Variants in SNX1 observed in about 807,000 individuals in gnomAD.
SNX1 encodes the protein sorting nexin-1.
SNX1 carries 36 observed loss-of-function variants against 71.8 expected under a neutral mutation model. That is an observed-to-expected ratio of 0.50 (90% confidence interval 0.38 to 0.66). The LOEUF (loss-of-function observed/expected upper bound fraction) is 0.66. SNX1 is among the 30% of genes least tolerant of loss of function. The probability of loss-of-function intolerance (pLI) is 0.00; values close to 1 mark genes in which losing one functional copy is unlikely to be tolerated. For synonymous variants in SNX1, 254 were observed against 240.7 expected, an observed-to-expected ratio of 1.06 and a Z score of -0.51; for missense variants, 612 against 646.7, an observed-to-expected ratio of 0.95 and a Z score of 0.58.
rs561949337 is a variant in SNX1 at position 64,118,388 on chromosome 15, C to T, written c.399+144C>T. The T allele has an allele frequency of 1.4e-4, 126 of 906,140 alleles. No homozygotes were observed. In the South Asian group the frequency reaches 2.0e-3, roughly 14 times the overall value. 56.1% of individuals were successfully genotyped at this position (906,140 alleles called of 1,614,324 possible). Reference sequence around the variant, plus strand: ...TTATGGTTAATGGACAGCCAGAATCCAATACAGGAGTCTTTCTTGAGCAGA... The same window carrying T: ...TTATGGTTAATGGACAGCCAGAATCTAATACAGGAGTCTTTCTTGAGCAGA... On this transcript the variant is annotated intron_variant, in intron 3 of 14. Coordinates refer to ENST00000559844, the MANE Select transcript of SNX1 (RefSeq NM_003099.5).
rs144411303 is a variant in SNX1 at position 64,108,752 on chromosome 15, C to G, written c.160-3821C>G. ...CCTGTAATCCCAGCACTTTGGGAGG[C>G]TGAGGTGGACAGATCACCTTAGGTC... On this transcript the variant is annotated intron_variant, in intron 1 of 14. Coordinates refer to ENST00000559844, the MANE Select transcript of SNX1 (RefSeq NM_003099.5). Among the ~76,000 whole-genome samples the G allele has an allele frequency of 4.5e-3, 687 of 152,042 alleles. 5 individuals are homozygous for G. Among genetic ancestry groups the G allele is most frequent in the African/African-American group, 0.015 (639 of 41,484 alleles).
At chr15:64,104,222 G>T (rs939555448) in intron 1 of SNX1, among the ~76,000 whole-genome samples, 9 of 150,924 alleles carry the variant, frequency 6.0e-5, no homozygotes, top group African/African-American at 2.2e-4. Flanking sequence ...CAGAATTATG[G>T]AGGAAAAGCT....
intron 1 of SNX1, among the ~76,000 whole-genome samples, chr15:64,110,383 T>C (rs980927075): frequency 2.6e-5 from 4 of 152,068 alleles, no homozygotes; most frequent in African/African-American, 9.7e-5. Context: ...CATAAGTCTG[T>C]TTTAATCACA....
intron 1 of SNX1, among the ~76,000 whole-genome samples, chr15:64,103,389 G>C (rs2080984716): frequency 6.6e-6 from 1 of 151,956 alleles, no homozygotes; most frequent in South Asian, 2.1e-4. Context: ...TTTTAATAAT[G>C]TCTTTTTTTA....
chr15:64,120,601 C>T lies in SNX1; in HGVS notation c.466+1747C>T, dbSNP rs551693056. ...CCAAGGCAGGAGGATCACTTGAACCCAGGAGTTCAGGACCAGCCTGCCCAA... is the reference window on the plus strand; with the variant it reads ...CCAAGGCAGGAGGATCACTTGAACCTAGGAGTTCAGGACCAGCCTGCCCAA... On this transcript the variant is annotated intron_variant, in intron 4 of 14. Transcript: ENST00000559844. Among the ~76,000 whole-genome samples the T allele has an allele frequency of 6.3e-4, 96 of 152,088 alleles. 1 individual carries two copies. The highest frequency in any genetic ancestry group is 1.9e-4 in the Non-Finnish European group (13 of 68,022).
At chr15:64,116,870 G>C (rs539115138) in intron 2 of SNX1, among the ~76,000 whole-genome samples, 1 of 152,322 alleles carries the variant, frequency 6.6e-6, no homozygotes, top group South Asian at 2.1e-4. Flanking sequence ...GAGGGAATGA[G>C]TCGTTCTGTT....
rs895153347 is a variant in SNX1 at position 64,136,948 on chromosome 15, G to A, written c.1518+16G>A. 2.5e-6 allele frequency: 4 copies of A among 1,609,812 alleles called. No homozygotes were observed. Among genetic ancestry groups the A allele is most frequent in the African/African-American group, 2.7e-5 (2 of 74,830 alleles). ...ACAGCAGCAGGTATGTAAGTTGTGT[G>A]TGACCTTCATCCTCTACTGCCTGCT... On this transcript the variant is annotated intron_variant, in intron 14 of 14. Coordinates refer to ENST00000559844, the MANE Select transcript of SNX1 (RefSeq NM_003099.5).
At position 64,127,231 on chromosome 15, in the gene SNX1, A is replaced by G. The variant is rs753505220; in HGVS notation, c.710A>G (p.Lys237Arg). ...TCTTCTTCTGCAGAATTTCTTGAAA[A>G]ACGGAGGGCCGCTTTAGAAAGGTAA... ...EDSSSAEFLE[K>R]RRAALERYLQ... is the part of the protein sequence containing the mutation. The change falls in exon 7 of 15, where the codon AAA becomes AGA. Residue 237 changes from lysine to arginine, a missense_variant. Physicochemically the swap from Lys to Arg is conservative, Grantham distance 26. Coordinates refer to ENST00000559844, the MANE Select transcript of SNX1 (RefSeq NM_003099.5). 1 of 1,613,804 alleles carries G rather than the reference A, an allele frequency of 6.2e-7. No homozygotes were observed. Among genetic ancestry groups the G allele is most frequent in the South Asian group, 1.1e-5 (1 of 91,020 alleles).
Position 64,134,515 on chromosome 15 carries a change from A to G in SNX1, c.1222-149A>G. The G allele has an allele frequency of 1.1e-6, 1 of 891,332 alleles. No individual in the cohort carries two copies. 55.2% of individuals were successfully genotyped at this position (891,332 alleles called of 1,614,324 possible). ...CCCAAGCTTTGCTCCTAGACATTAA[A>G]CTTCCCAGCTGGGCACTAACATGTG... On this transcript the variant is annotated intron_variant, in intron 11 of 14. Coordinates refer to ENST00000559844, the MANE Select transcript of SNX1 (RefSeq NM_003099.5). The surrounding 1 kb of genome is among the most constrained non-coding windows in gnomAD (Gnocchi z 4.1).
chr15:64,112,826 A>G, intron 2 of SNX1, 142 bp downstream of exon 2: 1 of 541,488 alleles, frequency 1.8e-6, no homozygotes, highest in East Asian at 2.9e-5. Context: ...TCCAAAGTAC[A>G]TGAAATACAG....
intron 1 of SNX1, among the ~76,000 whole-genome samples, chr15:64,099,180 G>A (rs2080933218): frequency 6.6e-6 from 1 of 152,074 alleles, no homozygotes; most frequent in Non-Finnish European, 1.5e-5. Flanking sequence ...TTAAATCTAG[G>A]CTCTATGGCT....
chr15:64,095,998 C>T lies in SNX1; in HGVS notation c.-16C>T. 1 of 1,593,932 alleles carries T rather than the reference C, an allele frequency of 6.3e-7. No homozygotes were observed. Among genetic ancestry groups the T allele is most frequent in the Non-Finnish European group, 8.5e-7 (1 of 1,174,064 alleles). On this transcript the variant is annotated 5_prime_UTR_variant, in exon 1 of 15. Coordinates refer to ENST00000559844, the MANE Select transcript of SNX1 (RefSeq NM_003099.5). ...GATAAAGTTGTTGTTGCGGCTTCCG[C>T]CGCGGGTGGAAGAAGATGGCGTCGG...
In SNX1 at chr15:64,134,468, G is replaced by C. The variant is rs1473394934; in HGVS notation, c.1222-196G>C. The C allele has an allele frequency of 1.6e-6, 1 of 607,084 alleles. No homozygotes were observed. The highest frequency in any genetic ancestry group is 2.8e-6 in the Non-Finnish European group (1 of 352,170). 37.6% of individuals were successfully genotyped at this position (607,084 alleles called of 1,614,324 possible). A position where few individuals can be genotyped will look rare whatever the true frequency, so the allele number is the denominator to read the frequency against. On this transcript the variant is annotated intron_variant, in intron 11 of 14. Coordinates refer to ENST00000559844, the MANE Select transcript of SNX1 (RefSeq NM_003099.5). The surrounding 1 kb of genome is among the most constrained non-coding windows in gnomAD (Gnocchi z 4.1). ...TGAAGCAGCATGGCACTGGCCTTCT[G>C]GAAGCTTGGAGAGGAGTCTTACCCA...
Position 64,142,812 on chromosome 15 carries a change from A to G in SNX1, c.*5194A>G, listed in dbSNP as rs754680785. 5 of 371,566 alleles carry G rather than the reference A, an allele frequency of 1.3e-5. No homozygotes were observed. Among genetic ancestry groups the G allele is most frequent in the Non-Finnish European group, 2.7e-5 (5 of 184,442 alleles). 23.0% of individuals were successfully genotyped at this position (371,566 alleles called of 1,614,324 possible). A position where few individuals can be genotyped will look rare whatever the true frequency, so the allele number is the denominator to read the frequency against. On this transcript the variant is annotated 3_prime_UTR_variant, in exon 15 of 15. Coordinates refer to ENST00000559844, the MANE Select transcript of SNX1 (RefSeq NM_003099.5). ...GACAAAATAAATGAGAGAAACGGGA[A>G]TAAGAATTGTCGCCTACACAAAAAT...
At chr15:64,137,252 C>T (rs979463001) in intron 14 of SNX1, among the ~76,000 whole-genome samples, 2 of 152,232 alleles carry the variant, frequency 1.3e-5, no homozygotes, top group South Asian at 2.1e-4. Context: ...GAGGCCTCAT[C>T]GGTATGTGAA....
chr15:64,136,550 G>A (rs753944052), intron 13 of SNX1, 140 bp downstream of exon 13: 50 of 728,428 alleles, frequency 6.9e-5, no homozygotes, highest in Middle Eastern at 4.7e-4. Flanking sequence ...CCTTCTTTGG[G>A]GGGGTGTGTG....
At chr15:64,122,346 C>T (rs1016583282) in intron 4 of SNX1, among the ~76,000 whole-genome samples, 1 of 151,570 alleles carries the variant, frequency 6.6e-6, no homozygotes, top group African/African-American at 2.4e-5. Context: ...TAGAAGAGAA[C>T]TAAAGTTGGT....
At chr15:64,124,178 A>ATATATATATATATATATGTATG (rs1445871067) in intron 5 of SNX1, among the ~76,000 whole-genome samples, 11 of 123,556 alleles carry the variant, frequency 8.9e-5, no homozygotes, top group African/African-American at 3.2e-4. Context: ...ATATATATAT[A>ATATATATATATATATATGTATG]TGACTGTTTT....
rs1483430413 is a variant in SNX1 at position 64,142,451 on chromosome 15, G to GAAGAGAAAGAGA, written c.*4835_*4846dup. On this transcript the variant is annotated 3_prime_UTR_variant, in exon 15 of 15. Coordinates refer to ENST00000559844, the MANE Select transcript of SNX1 (RefSeq NM_003099.5). ...CTTAAGCATGTTAATAAAATTCAGA[G>GAAGAGAAAGAGA]AAGAGAAAGAGAATGACTATCAGAG... 1 of 317,300 alleles carries GAAGAGAAAGAGA rather than the reference G, an allele frequency of 3.2e-6. No homozygotes were observed. The highest frequency in any genetic ancestry group is 6.3e-6 in the Non-Finnish European group (1 of 159,510). The allele number at this position is 317,300 out of a possible 1,614,324, so 19.7% of individuals were successfully genotyped here. A position where few individuals can be genotyped will look rare whatever the true frequency, so the allele number is the denominator to read the frequency against.
Sources: gnomAD v4.1 joint callset for allele counts (sites outside exome capture counted in the v4.1 genomes callset) on GRCh38, gnomAD v4.1.1 for gene constraint, Gnocchi (gnomAD v3.1) non-coding constraint, MANE v1.5 for transcripts, NCBI Gene and HGNC (gene_info 2026-07-23, HGNC 2026-07-21) for gene names.